GSE1: variants seen among roughly 807,000 people sequenced by gnomAD.
GSE1 encodes Gse1 coiled-coil protein, also known as genetic suppressor element 1.
GSE1 carries 32 observed loss-of-function variants against 112.6 expected under a neutral mutation model. The observed-to-expected ratio is 0.28, with a 90% CI of 0.21 to 0.38. The LOEUF (loss-of-function observed/expected upper bound fraction) is 0.38, where lower values mean the gene tolerates loss of function less well. GSE1 is among the 10% of genes least tolerant of loss of function. The pLI, the probability that GSE1 is intolerant of heterozygous loss-of-function variation, is 1.00. For synonymous variants in GSE1, 1,115 were observed against 735.6 expected (o/e 1.52, Z -8.35); for missense variants, 2,348 against 1,699.2 (o/e 1.38, Z -6.71).
At position 85,413,649 on chromosome 16, in the gene GSE1, T is replaced by G. The variant is rs565204678; in HGVS notation, c.2464+56006T>G. On this transcript the variant is annotated intron_variant, in intron 2 of 2. Coordinates refer to the GSE1 transcript ENST00000637419. Reference sequence around the variant, plus strand: ...TACCACTGGCCTAGCAGACTGTACCTTATAAAACTGACCCCCAAACAGCAA... The same window carrying G: ...TACCACTGGCCTAGCAGACTGTACCGTATAAAACTGACCCCCAAACAGCAA... Among the ~76,000 whole-genome samples the G allele has an allele frequency of 3.3e-5, 5 of 152,230 alleles. No individual in the cohort carries two copies. In the South Asian group the frequency reaches 1.0e-3, roughly 32 times the overall value.
At chr16:85,501,063 C>G (rs892090332) in intron 2 of GSE1, among the ~76,000 whole-genome samples, 1 of 131,308 alleles carries the variant, frequency 7.6e-6, no homozygotes, top group East Asian at 2.7e-4. Flanking sequence ...TGGAGTGGCA[C>G]GATCTCGGCT....
intron 2 of GSE1, among the ~76,000 whole-genome samples, chr16:85,439,838 A>C (rs2049335146): frequency 6.6e-6 from 1 of 152,320 alleles, no homozygotes; most frequent in African/African-American, 2.4e-5. Flanking sequence ...GCATGCACAC[A>C]CAGACACATA....
chr16:85,262,898 G>T (rs527915540), intron 1 of GSE1, among the ~76,000 whole-genome samples: 2 of 152,354 alleles, frequency 1.3e-5, no homozygotes, highest in Non-Finnish European at 2.9e-5. Context: ...ATTGACTACC[G>T]ACTGTATGCC....
intron 2 of GSE1, among the ~76,000 whole-genome samples, chr16:85,403,036 C>T (rs1303059134): frequency 2.6e-5 from 4 of 152,244 alleles, no homozygotes; most frequent in Admixed American, 6.5e-5. Flanking sequence ...CAGCCTTCCC[C>T]AGCTGAAGGC....
rs545527986 is a variant in GSE1 at position 85,421,139 on chromosome 16, T to C, written c.2464+63496T>C. Among the ~76,000 whole-genome samples the C allele has an allele frequency of 6.8e-4, 104 of 152,270 alleles. 2 individuals carry two copies. Among genetic ancestry groups the C allele is most frequent in the East Asian group, 5.2e-3 (27 of 5,178 alleles). On this transcript the variant is annotated intron_variant, in intron 2 of 2. Coordinates refer to the GSE1 transcript ENST00000637419. ...CGGCACGCAGTGGGCGCTGTGAAAG[T>C]GTGTGTTAAACCAAGAGAAACAGGA...
rs973645884 is a variant in GSE1, at chr16:85,669,408, T to C, written c.3415+984T>C. Among the ~76,000 whole-genome samples, 6 of 152,262 alleles carry C rather than the reference T, an allele frequency of 3.9e-5. No individual in the cohort carries two copies. In the East Asian group the frequency reaches 1.2e-3, roughly 29 times the overall value. On this transcript the variant is annotated intron_variant, in intron 14 of 15. Transcript: ENST00000253458. ...CTTAGAAAAGTAGTTTTTTTCTTTT[T>C]TCTCCTGGTAGAACTCAGTCAGGAA... is the stretch of plus-strand genomic sequence containing the variant.
intron 1 of GSE1, among the ~76,000 whole-genome samples, chr16:85,356,652 T>A (rs1038608869): frequency 5.9e-5 from 9 of 152,186 alleles, no homozygotes; most frequent in South Asian, 2.1e-4. Context: ...GTCCATTTTT[T>A]AAATTTGTTT....
intron 1 of GSE1, among the ~76,000 whole-genome samples, chr16:85,344,064 A>G (rs1369932315): frequency 6.6e-6 from 1 of 152,084 alleles, no homozygotes; most frequent in Non-Finnish European, 1.5e-5. Flanking sequence ...TGTGCTGAGG[A>G]CGCCGTGCCA....
At chr16:85,548,194 A>G (rs1234841908) in intron 2 of GSE1, among the ~76,000 whole-genome samples, 2 of 148,126 alleles carry the variant, frequency 1.4e-5, no homozygotes, top group Non-Finnish European at 3.0e-5. Flanking sequence ...GAGCCACAGC[A>G]CTCCAGCCTG....
chr16:85,658,504 G>A (rs908231441), intron 8 of GSE1, among the ~76,000 whole-genome samples: 2 of 152,214 alleles, frequency 1.3e-5, no homozygotes, highest in Non-Finnish European at 2.9e-5. Context: ...GGACGGAAGC[G>A]TGTTGGTGGT....
chr16:85,522,826 T>C (rs1394019450), intron 2 of GSE1, among the ~76,000 whole-genome samples: 1 of 152,064 alleles, frequency 6.6e-6, no homozygotes, highest in African/African-American at 2.4e-5. Flanking sequence ...TGTATAAGTG[T>C]CAGGAGTGAG....
At chr16:85,511,813 C>T (rs2051756358) in intron 2 of GSE1, among the ~76,000 whole-genome samples, 1 of 152,144 alleles carries the variant, frequency 6.6e-6, no homozygotes. Context: ...AAGGAGCCTC[C>T]CTAGAGCCTC....
chr16:85,170,338 C>G (rs2074339034), exon 1 of GSE1: 2 of 985,502 alleles, frequency 2.0e-6, no homozygotes, highest in Non-Finnish European at 2.4e-6. Context: ...GGCCAGCGTC[C>G]TGAGGAGCAT....
chr16:85,350,019 C>T (rs2046822439), intron 1 of GSE1, among the ~76,000 whole-genome samples: 1 of 152,216 alleles, frequency 6.6e-6, no homozygotes, highest in Non-Finnish European at 1.5e-5. Flanking sequence ...ATTCTCGGCT[C>T]TCACTGTGAC....
chr16:85,460,093 G>A lies in GSE1; in HGVS notation c.2464+102450G>A, dbSNP rs144711472. 4.3e-4 allele frequency among the ~76,000 whole-genome samples: 66 copies of A among 152,296 alleles called. 2 individuals are homozygous for A. The highest frequency in any genetic ancestry group is 4.2e-3 in the Admixed American group (64 of 15,296). Reference sequence around the variant, plus strand: ...CCTGGCCTCCGATGAGCAAGGACACGATGTCCTGGGGGATGCAATCTCCTG... The same window carrying A: ...CCTGGCCTCCGATGAGCAAGGACACAATGTCCTGGGGGATGCAATCTCCTG... On this transcript the variant is annotated intron_variant, in intron 2 of 2. Coordinates refer to the GSE1 transcript ENST00000637419.
chr16:85,169,904 G>A, exon 1 of GSE1: 2 of 984,380 alleles, frequency 2.0e-6, no homozygotes, highest in Non-Finnish European at 2.4e-6. Context: ...GGCGCAGGCG[G>A]CCGCCGTGGC....
rs552685922 is a variant in GSE1, at chr16:85,655,065, G to A, written c.797+74G>A. ...GGCAAGATGGAACCTGGCGGGGAAG[G>A]TGTTTCTTATGACCTGAGAGCCAGG... On this transcript the variant is annotated intron_variant, in intron 5 of 15. Transcript: ENST00000253458. 2.8e-3 allele frequency: 2,802 copies of A among 996,190 alleles called. 12 individuals are homozygous for A. Among genetic ancestry groups the A allele is most frequent in the South Asian group, 8.0e-3 (585 of 73,566 alleles). The allele number at this position is 996,190 out of a possible 1,614,324, so 61.7% of individuals were successfully genotyped here.
At chr16:85,613,685 G>A (rs2048156620) in intron 1 of GSE1, among the ~76,000 whole-genome samples, 1 of 150,092 alleles carries the variant, frequency 6.7e-6, no homozygotes, top group South Asian at 2.1e-4. Flanking sequence ...GTTTAAGTGC[G>A]TGCGGGCTAG....
At chr16:85,316,949 C>T (rs2045998514) in intron 1 of GSE1, among the ~76,000 whole-genome samples, 1 of 152,202 alleles carries the variant, frequency 6.6e-6, no homozygotes, top group Admixed American at 6.5e-5. Flanking sequence ...TGCCCTGGCA[C>T]TTTTGGGGAA....
Sources: gnomAD v4.1 joint callset for allele counts (sites outside exome capture counted in the v4.1 genomes callset) on GRCh38, gnomAD v4.1.1 for gene constraint, MANE v1.5 for transcripts, NCBI Gene and HGNC (gene_info 2026-07-23, HGNC 2026-07-21) for gene names.